Variants in NRXN3 observed in about 807,000 individuals in gnomAD.
The protein encoded by NRXN3 is neurexin III.
A neutral mutation model predicts 137.6 loss-of-function variants in NRXN3; 32 were observed. That is an observed-to-expected ratio of 0.23 (90% CI 0.18 to 0.31). The LOEUF is 0.31. Among genes scored for constraint, NRXN3 ranks in the 10% least tolerant of loss-of-function variants. NRXN3 has a pLI of 1.00. For synonymous variants in NRXN3, 798 were observed against 784.5 expected (o/e 1.02, Z -0.29); for missense variants, 1,574 against 2,062.5 (o/e 0.76, Z 4.59).
intron 10 of NRXN3, among the ~76,000 whole-genome samples, chr14:78,827,180 G>A (rs78481932): frequency 6.6e-6 from 1 of 150,958 alleles, no homozygotes; most frequent in Non-Finnish European, 1.5e-5. Flanking sequence ...CATTTCTGTT[G>A]CTGATCATCA....
intron 1 of NRXN3, among the ~76,000 whole-genome samples, chr14:78,222,461 T>C (rs1042611795): frequency 6.6e-6 from 1 of 152,200 alleles, no homozygotes; most frequent in Non-Finnish European, 1.5e-5. Context: ...GAATGAGGCT[T>C]TGGGTGCTTC....
At chr14:79,177,636 G>A (rs1320403810) in intron 15 of NRXN3, among the ~76,000 whole-genome samples, 1 of 152,098 alleles carries the variant, frequency 6.6e-6, no homozygotes, top group Non-Finnish European at 1.5e-5. Context: ...TGTCTCAATG[G>A]GGAAAAGAAA....
intron 10 of NRXN3, among the ~76,000 whole-genome samples, chr14:78,922,731 G>C (rs1392726907): frequency 6.6e-6 from 1 of 152,112 alleles, no homozygotes; most frequent in Non-Finnish European, 1.5e-5. Flanking sequence ...GAGAGCATCA[G>C]GATAAATAGC....
At chr14:78,316,144 T>C (rs998871369) in intron 4 of NRXN3, among the ~76,000 whole-genome samples, 4 of 152,168 alleles carry the variant, frequency 2.6e-5, no homozygotes, top group Admixed American at 6.5e-5. Context: ...GTGATTACTA[T>C]TGAGTTTTTT....
At chr14:79,140,324 G>A (rs1037947580) in intron 15 of NRXN3, among the ~76,000 whole-genome samples, 21 of 152,010 alleles carry the variant, frequency 1.4e-4, no homozygotes, top group African/African-American at 3.6e-4. Flanking sequence ...ACATACCTAC[G>A]TTTGAGAGAC....
chr14:79,646,641 G>A (rs1409471619), intron 16 of NRXN3, among the ~76,000 whole-genome samples: 1 of 134,862 alleles, frequency 7.4e-6, no homozygotes, highest in African/African-American at 2.5e-5. Flanking sequence ...CCTGTGGATT[G>A]GCTTTTCAGA....
intron 4 of NRXN3, among the ~76,000 whole-genome samples, chr14:78,432,317 C>G (rs1281135560): frequency 7.2e-6 from 1 of 138,128 alleles, no homozygotes; most frequent in Non-Finnish European, 1.5e-5. Flanking sequence ...TTTTTTTTGA[C>G]ATGTCTCAGC....
chr14:78,573,369 G>A (rs1246705252), intron 4 of NRXN3, among the ~76,000 whole-genome samples: 1 of 152,190 alleles, frequency 6.6e-6, no homozygotes, highest in Non-Finnish European at 1.5e-5. Context: ...TCAGAAGAAA[G>A]AAGACAGGAA....
At chr14:79,207,314 G>T (rs575279712) in intron 15 of NRXN3, among the ~76,000 whole-genome samples, 1 of 152,058 alleles carries the variant, frequency 6.6e-6, no homozygotes, top group Non-Finnish European at 1.5e-5. Context: ...CCCCCACCCC[G>T]CCCCAAGCGA....
At chr14:79,585,729 A>G (rs1355712175) in intron 16 of NRXN3, among the ~76,000 whole-genome samples, 4 of 151,410 alleles carry the variant, frequency 2.6e-5, no homozygotes, top group Admixed American at 6.6e-5. Context: ...TAAATAAAAT[A>G]TAACTCTAAC....
chr14:78,941,766 G>A (rs2099353437), intron 10 of NRXN3, among the ~76,000 whole-genome samples: 1 of 152,214 alleles, frequency 6.6e-6, no homozygotes, highest in African/African-American at 2.4e-5. Context: ...TTAAGCTCCA[G>A]TACAAAGTGT....
intron 16 of NRXN3, among the ~76,000 whole-genome samples, chr14:79,553,294 G>A (rs1166697089): frequency 6.6e-6 from 1 of 151,844 alleles, no homozygotes; most frequent in Non-Finnish European, 1.5e-5. Flanking sequence ...ATGGACCAGA[G>A]AGGGAGGGAA....
chr14:78,972,844 GTTA>G (rs1300974544), intron 14 of NRXN3: 5 of 152,176 alleles, frequency 3.3e-5, no homozygotes, highest in African/African-American at 1.2e-4. Flanking sequence ...CTAACCTCTG[GTTA>G]TTGTTTTCGC....
intron 15 of NRXN3, among the ~76,000 whole-genome samples, chr14:79,061,279 A>G (rs1017772473): frequency 2.0e-5 from 3 of 152,212 alleles, no homozygotes; most frequent in Admixed American, 1.3e-4. Context: ...AAGCAAAAGT[A>G]CTTTTGTAAT....
chr14:78,232,007 C>T (rs561836036), intron 1 of NRXN3, among the ~76,000 whole-genome samples: 263 of 152,370 alleles, frequency 1.7e-3, no homozygotes, highest in African/African-American at 5.9e-3. Flanking sequence ...CAGGCTCAGC[C>T]TTCACCCCCA....
At chr14:78,985,667 C>T (rs2099501484) in intron 14 of NRXN3, among the ~76,000 whole-genome samples, 1 of 152,192 alleles carries the variant, frequency 6.6e-6, no homozygotes, top group Non-Finnish European at 1.5e-5. Flanking sequence ...CTGCCTTTTA[C>T]AGTAAAACTT....
chr14:78,546,391 G>T (rs1165741087), intron 4 of NRXN3, among the ~76,000 whole-genome samples: 1 of 152,184 alleles, frequency 6.6e-6, no homozygotes, highest in African/African-American at 2.4e-5. Context: ...ATGACTTCTT[G>T]TTTCTACAAT....
At chr14:78,818,681 C>T (rs894049297) in intron 10 of NRXN3, among the ~76,000 whole-genome samples, 1 of 152,132 alleles carries the variant, frequency 6.6e-6, no homozygotes, top group African/African-American at 2.4e-5. Context: ...CTTCCTTGTT[C>T]TTCCTCATTC....
At position 79,827,277 on chromosome 14, in the gene NRXN3, A is replaced by G. The variant is rs76261622; in HGVS notation, c.4093+22087A>G. ...GGTGCTAGGAATGTAGAGAAGGATG[A>G]GGAAACCTTCTCTGAAAAAAATGAT... On this transcript the variant is annotated intron_variant, in intron 20 of 20. Transcript: ENST00000335750. Among the ~76,000 whole-genome samples, 339 of 152,224 alleles carry G rather than the reference A, an allele frequency of 2.2e-3. 12 individuals are homozygous for G. In the East Asian group the frequency reaches 0.045, roughly 20 times the overall value.
Sources: gnomAD v4.1 joint callset for allele counts (sites outside exome capture counted in the v4.1 genomes callset) on GRCh38, gnomAD v4.1.1 for gene constraint, MANE v1.5 for transcripts, NCBI Gene and HGNC (gene_info 2026-07-23, HGNC 2026-07-21) for gene names.